The following SPAST variants were observed in gnomAD, a reference collection of about 807,000 sequenced individuals.
SPAST encodes spastic paraplegia 4 (autosomal dominant; spastin).
Under a neutral mutation model 76.6 loss-of-function variants are expected in SPAST, and 30 were observed. That is an observed-to-expected ratio of 0.39 (90% confidence interval 0.29 to 0.53). The LOEUF (loss-of-function observed/expected upper bound fraction) is 0.53, where lower values mean the gene tolerates loss of function less well. Ranked by LOEUF, SPAST falls within the 20% of genes least tolerant of loss-of-function variation. The pLI, the probability that SPAST is intolerant of heterozygous loss-of-function variation, is 0.68. For synonymous variants in SPAST, 305 were observed against 281.0 expected, an observed-to-expected ratio of 1.09 and a Z score of -0.86; for missense variants, 717 against 770.5, an observed-to-expected ratio of 0.93 and a Z score of 0.82.
chr2:32,070,126 C>T (rs946424454), intron 1 of SPAST, among the ~76,000 whole-genome samples: 2 of 148,858 alleles, frequency 1.3e-5, no homozygotes, highest in African/African-American at 2.5e-5. Context: ...AGTGCAGTGG[C>T]GCAATCTCGG....
At chr2:32,094,313 G>C (rs1186201921) in intron 3 of SPAST, among the ~76,000 whole-genome samples, 1 of 152,092 alleles carries the variant, frequency 6.6e-6, no homozygotes, top group South Asian at 2.1e-4. Context: ...CTGCCTCCCG[G>C]GTTCAAGCGA....
intron 4 of SPAST, among the ~76,000 whole-genome samples, chr2:32,112,165 C>G (rs1478522459): frequency 6.6e-6 from 1 of 151,262 alleles, no homozygotes; most frequent in Non-Finnish European, 1.5e-5. Context: ...GTTGGCCAGG[C>G]TGATCTTAAA....
chr2:32,079,553 A>ACC (rs1677117942), intron 1 of SPAST, among the ~76,000 whole-genome samples: 1 of 142,270 alleles, frequency 7.0e-6, no homozygotes, highest in Non-Finnish European at 1.5e-5. Flanking sequence ...TACACCCGCC[A>ACC]CCCCACCCCT....
At chr2:32,065,910 G>A (rs1015205898) in intron 1 of SPAST, 1 of 152,056 alleles carries the variant, frequency 6.6e-6, no homozygotes, top group Non-Finnish European at 1.5e-5. Context: ...AGGTCAAGGA[G>A]GGTGTTAACA....
intron 4 of SPAST, among the ~76,000 whole-genome samples, chr2:32,108,875 C>G (rs1678426787): frequency 6.9e-6 from 1 of 145,262 alleles, no homozygotes; most frequent in Non-Finnish European, 1.5e-5. Context: ...AACCCATTCT[C>G]CTGCCTCAGC....
At chr2:32,082,593 G>A (rs547575082) in intron 1 of SPAST, among the ~76,000 whole-genome samples, 6 of 152,106 alleles carry the variant, frequency 3.9e-5, no homozygotes, top group African/African-American at 1.2e-4. Context: ...CTACTTGGGA[G>A]GCTGAGGCAG....
intron 1 of SPAST, among the ~76,000 whole-genome samples, chr2:32,086,691 G>A (rs758693891): frequency 6.6e-6 from 1 of 151,962 alleles, no homozygotes; most frequent in Non-Finnish European, 1.5e-5. Context: ...CCGGGAGGGG[G>A]AGGTTGCAAT....
intron 14 of SPAST, among the ~76,000 whole-genome samples, chr2:32,144,250 CATTG>C (rs1484473140): frequency 3.3e-5 from 5 of 152,154 alleles, no homozygotes; most frequent in Admixed American, 6.6e-5. Context: ...AAAAAATGTA[CATTG>C]ATTGTCCCTT....
intron 1 of SPAST, among the ~76,000 whole-genome samples, chr2:32,066,617 G>A (rs918768512): frequency 2.0e-5 from 3 of 151,964 alleles, no homozygotes; most frequent in East Asian, 1.9e-4. Flanking sequence ...GCAGTGAGCC[G>A]AGATCGTGCC....
intron 7 of SPAST, among the ~76,000 whole-genome samples, chr2:32,118,124 T>A (rs2148736293): frequency 6.6e-6 from 1 of 152,354 alleles, no homozygotes; most frequent in South Asian, 2.1e-4. Flanking sequence ...ATTAAAATCT[T>A]ACGGACCTAC....
At chr2:32,066,742 G>C (rs1232922718) in intron 1 of SPAST, among the ~76,000 whole-genome samples, 1 of 152,080 alleles carries the variant, frequency 6.6e-6, no homozygotes, top group Non-Finnish European at 1.5e-5. Flanking sequence ...GGGAGGCTGA[G>C]GTGGGTGGAT....
intron 7 of SPAST, among the ~76,000 whole-genome samples, chr2:32,125,922 G>C (rs1573137442): frequency 6.6e-6 from 1 of 152,112 alleles, no homozygotes; most frequent in Non-Finnish European, 1.5e-5. Flanking sequence ...AGCCTCCTGA[G>C]TAGCTGGGAC....
At chr2:32,111,287 G>A (rs1486296088) in intron 4 of SPAST, among the ~76,000 whole-genome samples, 1 of 104,694 alleles carries the variant, frequency 9.6e-6, no homozygotes, top group Admixed American at 9.8e-5. Flanking sequence ...ATACTATATA[G>A]TGTGTATAGC....
chr2:32,154,113 ATAT>A (rs1418581710), intron 16 of SPAST, among the ~76,000 whole-genome samples: 4 of 152,214 alleles, frequency 2.6e-5, no homozygotes, highest in Non-Finnish European at 5.9e-5. Context: ...TATTGGAAAA[ATAT>A]TATGCTTTCA....
chr2:32,152,981 C>G (rs1197625241), intron 16 of SPAST, among the ~76,000 whole-genome samples: 2 of 152,058 alleles, frequency 1.3e-5, no homozygotes, highest in East Asian at 3.9e-4. Flanking sequence ...CTCCTGGGCT[C>G]AAGTGATCCA....
intron 4 of SPAST, among the ~76,000 whole-genome samples, chr2:32,110,104 G>GTTTTT (rs200943358): frequency 7.4e-6 from 1 of 135,492 alleles, no homozygotes; most frequent in Non-Finnish European, 1.6e-5. Flanking sequence ...AGTTTTTTTT[G>GTTTTT]TTTTTTTTTT....
chr2:32,106,533 C>T (rs1361122538), intron 4 of SPAST, among the ~76,000 whole-genome samples: 2 of 152,188 alleles, frequency 1.3e-5, no homozygotes, highest in African/African-American at 2.4e-5. Flanking sequence ...TCTTCTGTGT[C>T]GCTCACACTG....
At chr2:32,111,667 T>C (rs1678614247) in intron 4 of SPAST, among the ~76,000 whole-genome samples, 1 of 150,938 alleles carries the variant, frequency 6.6e-6, no homozygotes. Flanking sequence ...TATACTCTTT[T>C]CTCTGTTTAA....
chr2:32,087,456 T>G (rs1331719084), intron 1 of SPAST, 36 bp from the exon 2 acceptor site: 1 of 1,304,868 alleles, frequency 7.7e-7, no homozygotes, highest in East Asian at 2.3e-5. Flanking sequence ...AGTGTACTCT[T>G]CATACGATCT....
Sources: allele counts gnomAD v4.1 joint callset (sites outside exome capture counted in the v4.1 genomes callset), GRCh38; gene constraint gnomAD v4.1.1; transcripts MANE v1.5; gene names NCBI Gene and HGNC (gene_info 2026-07-23, HGNC 2026-07-21).